ATP10B: variants seen among roughly 807,000 people sequenced by gnomAD.
ATP10B encodes the protein ATPase phospholipid transporting 10B (putative), also known as phospholipid-transporting ATPase VB.
In ATP10B, 122 loss-of-function variants were observed where a neutral mutation model predicts 141.2. The ratio of observed to expected loss-of-function variants is 0.86; its 90% confidence interval spans 0.75 to 1.00. The LOEUF (loss-of-function observed/expected upper bound fraction) is 1.00, where lower values mean the gene tolerates loss of function less well. Among genes scored for constraint, ATP10B ranks in the 50% least tolerant of loss-of-function variants. The pLI is 0.00. For missense variants in ATP10B, 1,876 were observed against 1,825.3 expected, an observed-to-expected ratio of 1.03 and a Z score of -0.51; for synonymous variants, 685 against 692.0, an observed-to-expected ratio of 0.99 and a Z score of 0.16.
At chr5:160,755,871 A>ATATATATATATATATATATATG in intron 2 of ATP10B, among the ~76,000 whole-genome samples, 1 of 114,664 alleles carries the variant, frequency 8.7e-6, no homozygotes, top group East Asian at 2.5e-4. Context: ...ATATATATAT[A>ATATATATATATATATATATATG]TATATATTAT....
At chr5:160,756,017 C>A (rs936503112) in intron 2 of ATP10B, among the ~76,000 whole-genome samples, 1 of 151,070 alleles carries the variant, frequency 6.6e-6, no homozygotes, top group African/African-American at 2.4e-5. Flanking sequence ...TCATTGCAAT[C>A]AAGATAATGA....
At position 160,817,684 on chromosome 5, in the gene ATP10B, T is replaced by C. The variant is rs1265286668; in HGVS notation, c.-575-31881A>G. ...ATATGGAACCAAAAAAGAGCCCGCA[T>C]TGCCAAGTCAATCCTAAGCCAAAAG... is the stretch of plus-strand genomic sequence containing the variant. On this transcript the variant is annotated intron_variant, in intron 1 of 25. Transcript: ENST00000327245. Among the ~76,000 whole-genome samples the C allele has an allele frequency of 3.9e-5, 6 of 152,322 alleles. No individual in the cohort carries two copies. The South Asian group carries it at 8.3e-4, about 21-fold the overall frequency.
chr5:160,772,316 T>C (rs1769964064), intron 2 of ATP10B, among the ~76,000 whole-genome samples: 1 of 152,206 alleles, frequency 6.6e-6, no homozygotes, highest in Non-Finnish European at 1.5e-5. Flanking sequence ...AAGTGTATCA[T>C]CCCTTGTGGG....
At position 160,632,281 on chromosome 5, in the gene ATP10B, C is replaced by A. The variant is rs1758990324; in HGVS notation, c.1468G>T (p.Ala490Ser). The A allele has an allele frequency of 1.2e-6, 2 of 1,614,074 alleles. No homozygotes were observed. The highest frequency in any genetic ancestry group is 1.3e-5 in the African/African-American group (1 of 74,912). ...CTTCTCATAGTTGCTGGATCCTGGG[C>A]CCATCTAGCCGAGAAGGACAGGCAT... ...YQCLSFSARWAQDPATMRSQK... is the reference protein window; with the variant it reads ...YQCLSFSARWSQDPATMRSQK... The change falls in exon 13 of 26, where the codon GCC becomes TCC. Residue 490 changes from alanine to serine, a missense_variant. Ala to Ser is a moderately conservative substitution (Grantham distance 99, BLOSUM62 1). Transcript: ENST00000327245.
intron 2 of ATP10B, among the ~76,000 whole-genome samples, chr5:160,735,895 T>C (rs1767083979): frequency 6.6e-6 from 1 of 151,936 alleles, no homozygotes; most frequent in African/African-American, 2.4e-5. Flanking sequence ...GAATGACCAG[T>C]GGGTAAATAA....
chr5:160,869,061 C>T, the ATP10B span, among the ~76,000 whole-genome samples: 1 of 152,088 alleles, frequency 6.6e-6, no homozygotes, highest in East Asian at 1.9e-4. Context: ...TATCTGTCAG[C>T]CTTAGTTTCT....
chr5:160,572,208 A>G (rs1754921874), intron 24 of ATP10B, among the ~76,000 whole-genome samples: 1 of 149,380 alleles, frequency 6.7e-6, no homozygotes, highest in African/African-American at 2.5e-5. Context: ...CCCCTTTTTT[A>G]AAGTTATCCA....
the ATP10B span, among the ~76,000 whole-genome samples, chr5:160,860,813 T>G: frequency 1.3e-5 from 2 of 152,084 alleles, no homozygotes; most frequent in African/African-American, 4.8e-5. Context: ...AGATTTCTCA[T>G]GAGAATGAAG....
intron 3 of ATP10B, among the ~76,000 whole-genome samples, chr5:160,707,346 G>T (rs1424627709): frequency 1.3e-5 from 2 of 152,160 alleles, no homozygotes; most frequent in Admixed American, 1.3e-4. Flanking sequence ...CCAAATCTAG[G>T]ACCCCCTAAG....
intron 25 of ATP10B, among the ~76,000 whole-genome samples, chr5:160,568,704 C>G (rs1290585032): frequency 6.6e-6 from 1 of 152,168 alleles, no homozygotes; most frequent in African/African-American, 2.4e-5. Context: ...GAGTGGGGTA[C>G]TAGAACCATA....
At chr5:160,688,966 G>A (rs1763920840) in intron 3 of ATP10B, 23 bp from the exon 4 acceptor site, 1 of 984,704 alleles carries the variant, frequency 1.0e-6, no homozygotes, top group Admixed American at 6.1e-5. Context: ...ACTTGATTAA[G>A]CAGATGGTCT....
chr5:160,715,624 C>T (rs1422919957), intron 3 of ATP10B, among the ~76,000 whole-genome samples: 3 of 152,106 alleles, frequency 2.0e-5, no homozygotes, highest in Non-Finnish European at 4.4e-5. Context: ...CCTATTCGGC[C>T]ATCTTGGCTC....
intron 6 of ATP10B, chr5:160,684,926 C>A (rs1225426917): frequency 1.4e-6 from 1 of 703,370 alleles, no homozygotes; most frequent in African/African-American, 1.7e-5. Context: ...GCAGTGACTG[C>A]CAGGATAACA....
intron 1 of ATP10B, among the ~76,000 whole-genome samples, chr5:160,826,717 G>A (rs1448523822): frequency 6.6e-6 from 1 of 151,974 alleles, no homozygotes; most frequent in East Asian, 1.9e-4. Flanking sequence ...TCCTAGCAAG[G>A]AATATTAATA....
chr5:160,586,870 T>G (rs187353187), intron 24 of ATP10B, among the ~76,000 whole-genome samples: 2 of 152,382 alleles, frequency 1.3e-5, no homozygotes, highest in African/African-American at 4.8e-5. Context: ...ATTAGCCCTT[T>G]GTCAGATGGT....
At position 160,763,855 on chromosome 5, in the gene ATP10B, T is replaced by A. The variant is rs554524236; in HGVS notation, c.-331+21704A>T. 1.1e-4 allele frequency among the ~76,000 whole-genome samples: 17 copies of A among 152,176 alleles called. No homozygotes were observed. In the South Asian group the frequency reaches 2.9e-3, roughly 26 times the overall value. On this transcript the variant is annotated intron_variant, in intron 2 of 25. Coordinates refer to ENST00000327245, the MANE Select transcript of ATP10B (RefSeq NM_025153.3). ...AGAGAGAAGATCCAAATAAGCTCAA[T>A]TAGAAACAAGATGGGGGACGTTACA...
chr5:160,644,240 G>C lies in ATP10B; in HGVS notation c.766C>G (p.His256Asp). 6.2e-7 allele frequency: 1 copy of C among 1,613,124 alleles called. No individual in the cohort carries two copies. The highest frequency in any genetic ancestry group is 1.3e-5 in the African/African-American group (1 of 75,010). Residue 256 changes from histidine to aspartate, a missense_variant, in exon 9 of 26, where the codon CAT becomes GAT. Coordinates refer to ENST00000327245, the MANE Select transcript of ATP10B (RefSeq NM_025153.3). ...HLNKFKGYME[H>D]PDQTRTGFGC... ...AAGCCAGTCCTGGTCTGGTCAGGAT[G>C]CTCCCTGGGGATGATGAATAAAAGA...
At chr5:160,652,874 ATAATATATATATAAT>A (rs1561701094) in intron 7 of ATP10B, among the ~76,000 whole-genome samples, 2 of 94,190 alleles carry the variant, frequency 2.1e-5, no homozygotes, top group Non-Finnish European at 3.8e-5. Context: ...TATAATATAT[ATAATATATATATAAT>A]TATATAATAT....
intron 3 of ATP10B, among the ~76,000 whole-genome samples, chr5:160,709,592 A>G (rs975460690): frequency 7.5e-6 from 1 of 132,652 alleles, no homozygotes; most frequent in Non-Finnish European, 1.6e-5. Context: ...TTTCATAAAC[A>G]AATTTTTTTT....
Sources: gnomAD v4.1 joint callset for allele counts (sites outside exome capture counted in the v4.1 genomes callset) on GRCh38, gnomAD v4.1.1 for gene constraint, MANE v1.5 for transcripts, NCBI Gene and HGNC (gene_info 2026-07-23, HGNC 2026-07-21) for gene names.